The following TLE4 variants were observed in gnomAD, a reference collection of about 807,000 sequenced individuals.
TLE4 encodes the protein transducin-like enhancer protein 4.
TLE4 carries 8 observed loss-of-function variants against 92.8 expected under a neutral mutation model. That is an observed-to-expected ratio of 0.09 (90% CI 0.05 to 0.16). The LOEUF (loss-of-function observed/expected upper bound fraction) is 0.16. Among genes scored for constraint, TLE4 ranks in the 10% least tolerant of loss-of-function variants. The pLI is 1.00. For missense variants in TLE4, 675 were observed against 997.6 expected (o/e 0.68, Z 4.36); for synonymous variants, 371 against 374.1 (o/e 0.99, Z 0.10).
intron 8 of TLE4, among the ~76,000 whole-genome samples, chr9:79,688,239 C>G (rs546754020): frequency 6.6e-6 from 1 of 152,146 alleles, no homozygotes; most frequent in African/African-American, 2.4e-5. Context: ...CTTCAACCCC[C>G]GAAAGACTGA....
In TLE4 at chr9:79,573,596, T is replaced by A. The variant is rs556289861; in HGVS notation, c.46-93T>A. On this transcript the variant is annotated intron_variant, in intron 1 of 19. Coordinates refer to ENST00000376552, the MANE Select transcript of TLE4 (RefSeq NM_007005.6). ...TCTTTGCTTGCGTGCGCGATGACCC[T>A]CACCCCCCGCTAACGCCGCATAGTA... 146 of 1,079,232 alleles carry A rather than the reference T, an allele frequency of 1.4e-4. 3 individuals are homozygous for A. In the East Asian group the frequency reaches 4.0e-3, roughly 29 times the overall value. The allele number at this position is 1,079,232 out of a possible 1,614,324, so 66.9% of individuals were successfully genotyped here.
At chr9:79,714,476 C>A (rs900683309) in intron 14 of TLE4, among the ~76,000 whole-genome samples, 1 of 152,184 alleles carries the variant, frequency 6.6e-6, no homozygotes, top group African/African-American at 2.4e-5. Context: ...CATTTTACCT[C>A]ATCCTTTTGG....
intron 4 of TLE4, among the ~76,000 whole-genome samples, chr9:79,602,931 A>G (rs2045986846): frequency 6.6e-6 from 1 of 152,130 alleles, no homozygotes; most frequent in Non-Finnish European, 1.5e-5. Context: ...ACCAACATTA[A>G]TAAGAATTTG....
At chr9:79,581,136 G>A (rs2132022427) in intron 4 of TLE4, among the ~76,000 whole-genome samples, 1 of 152,218 alleles carries the variant, frequency 6.6e-6, no homozygotes, top group Non-Finnish European at 1.5e-5. Context: ...CCTCTCATTT[G>A]GGCATTTTAA....
chr9:79,664,620 CTAAA>C (rs1440080767), intron 8 of TLE4, among the ~76,000 whole-genome samples: 1 of 152,186 alleles, frequency 6.6e-6, no homozygotes, highest in African/African-American at 2.4e-5. Context: ...CAAATAATGA[CTAAA>C]TACGTAAGCG....
chr9:79,572,909 T>G, intron 1 of TLE4, 74 bp downstream of exon 1: 1 of 1,504,940 alleles, frequency 6.6e-7, no homozygotes, highest in Non-Finnish European at 9.0e-7. Context: ...CGCACCGAGT[T>G]GTGTCTTTTG....
At chr9:79,652,027 A>G (rs1480995482) in intron 6 of TLE4, among the ~76,000 whole-genome samples, 1 of 152,152 alleles carries the variant, frequency 6.6e-6, no homozygotes, top group African/African-American at 2.4e-5. Flanking sequence ...AGTTACTTAT[A>G]TACTTTCACC....
intron 8 of TLE4, among the ~76,000 whole-genome samples, chr9:79,673,166 A>C (rs959898257): frequency 6.6e-6 from 1 of 152,210 alleles, no homozygotes; most frequent in Admixed American, 6.5e-5. Context: ...AATATCAGAG[A>C]GAATTGTACA....
chr9:79,719,931 A>G, intron 15 of TLE4, 115 bp from the exon 16 acceptor site: 1 of 1,349,868 alleles, frequency 7.4e-7, no homozygotes, highest in Non-Finnish European at 1.0e-6. Context: ...TGTCATAAGT[A>G]TAAACGGCTC....
chr9:79,599,295 T>G (rs2044947439), intron 4 of TLE4, among the ~76,000 whole-genome samples: 1 of 152,198 alleles, frequency 6.6e-6, no homozygotes, highest in Non-Finnish European at 1.5e-5. Flanking sequence ...TATTTTTTAT[T>G]GCATGCATCC....
intron 4 of TLE4, chr9:79,576,454 CTTG>C (rs1250953987): frequency 1.3e-5 from 3 of 238,644 alleles, no homozygotes; most frequent in African/African-American, 6.6e-5. Flanking sequence ...TTAAAATCCT[CTTG>C]TTATTCTTCT....
intron 4 of TLE4, among the ~76,000 whole-genome samples, chr9:79,593,909 A>G (rs75916830): frequency 0.027 from 4,048 of 152,290 alleles, 184 homozygotes; most frequent in African/African-American, 0.09. Flanking sequence ...AGGCAATACG[A>G]TCCTAAATAT....
intron 8 of TLE4, among the ~76,000 whole-genome samples, chr9:79,695,368 C>T (rs2068007948): frequency 1.3e-5 from 2 of 152,110 alleles, no homozygotes; most frequent in South Asian, 4.1e-4. Flanking sequence ...CACACACACA[C>T]ACACACACCA....
rs1348125065 is a variant in TLE4 at position 79,709,619 on chromosome 9, C to T, written c.1264-4C>T. On this transcript the variant is annotated splice_region_variant and splice_polypyrimidine_tract_variant and intron_variant, in intron 13 of 19. Transcript: ENST00000376552. ...TTCTGTTGTTTGCTTGGGAAAAATTCTAGGTGGGATTTGATCCACACCATC... is the reference window on the plus strand; with the variant it reads ...TTCTGTTGTTTGCTTGGGAAAAATTTTAGGTGGGATTTGATCCACACCATC... 2 of 1,613,264 alleles carry T rather than the reference C, an allele frequency of 1.2e-6. No homozygotes were observed. Among genetic ancestry groups the T allele is most frequent in the African/African-American group, 2.7e-5 (2 of 74,888 alleles).
chr9:79,589,299 C>T (rs991962111), intron 4 of TLE4, among the ~76,000 whole-genome samples: 1 of 152,166 alleles, frequency 6.6e-6, no homozygotes, highest in Non-Finnish European at 1.5e-5. Flanking sequence ...ATCCTTTAAA[C>T]GTACTTAACC....
rs896670340 is a variant in TLE4, at chr9:79,670,265, GAAGA to G, written c.609+16199_609+16202del. On this transcript the variant is annotated intron_variant, in intron 8 of 19. Transcript: ENST00000376552. ...GAAGTTTATCACCATTAACAAGCCAGAAGAAAGAAAGAGACTACACCGACTTGAC... is the reference window on the plus strand; with the variant it reads ...GAAGTTTATCACCATTAACAAGCCAGAAGAAAGAGACTACACCGACTTGAC... Among the ~76,000 whole-genome samples the G allele has an allele frequency of 3.3e-5, 5 of 152,000 alleles. No homozygotes were observed. The Middle Eastern group carries it at 0.01, about 310-fold the overall frequency.
chr9:79,631,891 T>C (rs1322424887), intron 6 of TLE4, among the ~76,000 whole-genome samples: 1 of 152,100 alleles, frequency 6.6e-6, no homozygotes, highest in Non-Finnish European at 1.5e-5. Context: ...TGTGTGTGTT[T>C]CCCTCCCTTA....
chr9:79,668,259 C>T (rs1239761521), intron 8 of TLE4, among the ~76,000 whole-genome samples: 1 of 152,182 alleles, frequency 6.6e-6, no homozygotes, highest in Non-Finnish European at 1.5e-5. Context: ...CCAGTGTTTG[C>T]AGTGGGTTGT....
chr9:79,654,124 A>T (rs201850250), intron 8 of TLE4, 49 bp downstream of exon 8: 94 of 1,541,636 alleles, frequency 6.1e-5, no homozygotes, highest in Admixed American at 1.5e-4. Context: ...AGGGCTGTAA[A>T]TGATTTGAAT....
Sources: gnomAD v4.1 joint callset for allele counts (sites outside exome capture counted in the v4.1 genomes callset) on GRCh38, gnomAD v4.1.1 for gene constraint, MANE v1.5 for transcripts, NCBI Gene and HGNC (gene_info 2026-07-23, HGNC 2026-07-21) for gene names.